Variants in GCN1 observed in about 807,000 individuals in gnomAD.
GCN1 encodes the protein stalled ribosome sensor GCN1.
GCN1 carries 90 observed loss-of-function variants against 288.4 expected under a neutral mutation model. The observed-to-expected ratio is 0.31, with a 90% CI of 0.26 to 0.37. GCN1 has a LOEUF of 0.37. Among genes scored for constraint, GCN1 ranks in the 10% least tolerant of loss-of-function variants. The pLI, the probability that GCN1 is intolerant of heterozygous loss-of-function variation, is 1.00. For missense variants in GCN1, 2,586 were observed against 3,419.9 expected (o/e 0.76, Z 6.08); for synonymous variants, 1,386 against 1,420.2 (o/e 0.98, Z 0.54).
At chr12:120,136,771 A>C in intron 50 of GCN1, 39 bp from the exon 51 acceptor site, 1 of 1,497,168 alleles carries the variant, frequency 6.7e-7, no homozygotes. Context: ...AATCTCAAAC[A>C]CCCTGGGCCC....
chr12:120,187,450 A>T (rs900241064), intron 2 of GCN1, among the ~76,000 whole-genome samples: 1 of 152,112 alleles, frequency 6.6e-6, no homozygotes, highest in African/African-American at 2.4e-5. Flanking sequence ...TCCTGACCTC[A>T]GGTGATCCAT....
chr12:120,159,186 A>C (rs1169020863), intron 24 of GCN1, among the ~76,000 whole-genome samples: 1 of 152,174 alleles, frequency 6.6e-6, no homozygotes, highest in Non-Finnish European at 1.5e-5. Context: ...AGCCAAGAGT[A>C]CAGCTCTATC....
intron 1 of GCN1, among the ~76,000 whole-genome samples, chr12:120,192,534 T>C (rs1879036846): frequency 6.7e-6 from 1 of 149,926 alleles, no homozygotes; most frequent in African/African-American, 2.5e-5. Context: ...GAGACCATCC[T>C]GGCCAACATG....
At chr12:120,170,386 G>C (rs1352167548) in intron 14 of GCN1, 65 bp from the exon 15 acceptor site, 1 of 1,435,856 alleles carries the variant, frequency 7.0e-7, no homozygotes, top group African/African-American at 1.4e-5. Context: ...GACTGAGAAA[G>C]GATTTATCTA....
rs57409242 is a variant in GCN1, at chr12:120,187,888, A to G, written c.121+2410T>C. 8.5e-3 allele frequency among the ~76,000 whole-genome samples: 889 copies of G among 105,172 alleles called. 7 individuals are homozygous for G. Among genetic ancestry groups the G allele is most frequent in the African/African-American group, 0.032 (851 of 26,790 alleles). The allele number at this position is 105,172 out of a possible 152,430, so 69.0% of individuals were successfully genotyped here. On this transcript the variant is annotated intron_variant, in intron 2 of 57. Coordinates refer to ENST00000300648, the MANE Select transcript of GCN1 (RefSeq NM_006836.2). ...AAAAACAAACATACCAAAAGAAATGAAAAAAAAAAAAAACAAAAAACTAGA... is the reference window on the plus strand; with the variant it reads ...AAAAACAAACATACCAAAAGAAATGGAAAAAAAAAAAAACAAAAAACTAGA...
rs1342844463 is a variant in GCN1, at chr12:120,184,808, TTTGGCTG to T, written c.185+9_185+15del. On this transcript the variant is annotated intron_variant, in intron 3 of 57. Transcript: ENST00000300648. ...TACAAAGTGCTCCACATATGGGGCC[TTTGGCTG>T]GGACTCACCTATATCGATGCAGAGT... 1 of 1,589,800 alleles carries T rather than the reference TTTGGCTG, an allele frequency of 6.3e-7. No homozygotes were observed. Among genetic ancestry groups the T allele is most frequent in the African/African-American group, 1.3e-5 (1 of 74,508 alleles).
At chr12:120,151,501 A>C (rs1222535096) in intron 33 of GCN1, 110 bp from the exon 34 acceptor site, 2 of 1,155,258 alleles carry the variant, frequency 1.7e-6, no homozygotes, top group Non-Finnish European at 2.4e-6. Context: ...CCCAAGCCCC[A>C]TCTCAGCCAC....
At chr12:120,159,803 C>T (rs1412321126) in intron 24 of GCN1, 22 bp downstream of exon 24, 34 of 1,609,598 alleles carry the variant, frequency 2.1e-5, no homozygotes, top group Non-Finnish European at 2.8e-5. Context: ...GCCATCCCTG[C>T]AGCCAGCAAA....
At chr12:120,175,321 G>C in intron 11 of GCN1, 109 bp from the exon 12 acceptor site, 1 of 1,034,524 alleles carries the variant, frequency 9.7e-7, no homozygotes, top group Non-Finnish European at 1.5e-6. Context: ...GATTCCAGAA[G>C]TAGCCTTTGT....
At chr12:120,141,458 C>G (rs376150055) in intron 44 of GCN1, among the ~76,000 whole-genome samples, 2 of 152,184 alleles carry the variant, frequency 1.3e-5, no homozygotes, top group Admixed American at 1.3e-4. Context: ...ATTTGCTTGC[C>G]AAGGATGGGG....
At chr12:120,162,229 C>T in intron 20 of GCN1, 171 bp from the exon 21 acceptor site, 1 of 606,574 alleles carries the variant, frequency 1.6e-6, no homozygotes, top group South Asian at 2.0e-5. Context: ...GCTTTCCTCA[C>T]CAAGCAGTGC....
intron 14 of GCN1, among the ~76,000 whole-genome samples, chr12:120,172,572 T>TG (rs1029987269): frequency 6.6e-6 from 1 of 151,896 alleles, no homozygotes; most frequent in African/African-American, 2.4e-5. Flanking sequence ...TGCAATGGCT[T>TG]GATCTCGGCT....
At chr12:120,147,607 C>G (rs1454346375) in intron 37 of GCN1, among the ~76,000 whole-genome samples, 1 of 152,236 alleles carries the variant, frequency 6.6e-6, no homozygotes, top group Non-Finnish European at 1.5e-5. Context: ...AAATCTCCCA[C>G]TATGATATAA....
intron 26 of GCN1, 95 bp from the exon 27 acceptor site, chr12:120,157,087 C>T: frequency 1.3e-6 from 1 of 755,520 alleles, no homozygotes; most frequent in Non-Finnish European, 2.3e-6. Flanking sequence ...CACGGGGGAA[C>T]ATTCTGGATC....
At position 120,163,321 on chromosome 12, in the gene GCN1, C is replaced by A; in HGVS notation, c.1849-62G>T. The A allele has an allele frequency of 3.0e-6, 4 of 1,349,988 alleles. No homozygotes were observed. The South Asian group carries it at 3.6e-5, about 12-fold the overall frequency. The allele number at this position is 1,349,988 out of a possible 1,614,324, so 83.6% of individuals were successfully genotyped here. On this transcript the variant is annotated intron_variant, in intron 18 of 57. Transcript: ENST00000300648. ...CCTGTGCAGGCTTGGAACACAGGAACCAAATATGCTACGGACACAGCGGCC... is the reference window on the plus strand; with the variant it reads ...CCTGTGCAGGCTTGGAACACAGGAAACAAATATGCTACGGACACAGCGGCC...
rs1003867250 is a variant in GCN1 at position 120,158,652 on chromosome 12, C to A, written c.2750-37G>T. On this transcript the variant is annotated intron_variant, in intron 24 of 57. Coordinates refer to ENST00000300648, the MANE Select transcript of GCN1 (RefSeq NM_006836.2). The surrounding 1 kb of genome is among the most constrained non-coding windows in gnomAD (Gnocchi z 4.3). Reference sequence around the variant, plus strand: ...AGGAGAGACCCAGCAGGAGATGACACACAGAGATGTGGAATCCAGCCCAGG... The same window carrying A: ...AGGAGAGACCCAGCAGGAGATGACAAACAGAGATGTGGAATCCAGCCCAGG... The A allele has an allele frequency of 1.3e-6, 2 of 1,555,656 alleles. No individual in the cohort carries two copies. The highest frequency in any genetic ancestry group is 1.9e-5 in the Admixed American group (1 of 53,646).
At chr12:120,162,198 G>A (rs2240322) in intron 20 of GCN1, 140 bp from the exon 21 acceptor site, 128,695 of 681,434 alleles carry the variant, frequency 0.19, 15,681 homozygotes, top group East Asian at 0.54. Flanking sequence ...CCATCACAGT[G>A]GCCGGCTGGA....
In GCN1 at chr12:120,142,402, AG is replaced by A; in HGVS notation, c.5829+104del. ...GTAAAGAACACAATGTCCCTCTGTT[AG>A]GCAGGGTGGATGGGTACTTTCCCAG... On this transcript the variant is annotated intron_variant, in intron 44 of 57. Coordinates refer to ENST00000300648, the MANE Select transcript of GCN1 (RefSeq NM_006836.2). The surrounding 1 kb of genome is among the most constrained non-coding windows in gnomAD (Gnocchi z 4.9). 1.3e-6 allele frequency: 1 copy of A among 744,944 alleles called. No homozygotes were observed. Among genetic ancestry groups the A allele is most frequent in the Non-Finnish European group, 2.4e-6 (1 of 414,178 alleles). 46.1% of individuals were successfully genotyped at this position (744,944 alleles called of 1,614,324 possible). A position where few individuals can be genotyped will look rare whatever the true frequency, so the allele number is the denominator to read the frequency against.
In GCN1 at chr12:120,137,782, G is replaced by A. The variant is rs760628938; in HGVS notation, c.6426C>T (p.Ser2142=). 4.5e-5 allele frequency: 73 copies of A among 1,613,904 alleles called. No homozygotes were observed. Among genetic ancestry groups the A allele is most frequent in the African/African-American group, 1.3e-4 (10 of 74,908 alleles). Residue 2142 remains serine, a synonymous_variant, in exon 49 of 58, where the codon TCC becomes TCT. Coordinates refer to ENST00000300648, the MANE Select transcript of GCN1 (RefSeq NM_006836.2). The surrounding 1 kb of genome is among the most constrained non-coding windows in gnomAD (Gnocchi z 5.2). ...TCCGGTGCCCTGTGTCATCCTCTAC[G>A]GAGAGGATCACAGCCTGACAATTGG... ...EMANCQAVIL[S]VEDDTGHRII...
Sources: gnomAD v4.1 joint callset for allele counts (sites outside exome capture counted in the v4.1 genomes callset) on GRCh38, gnomAD v4.1.1 for gene constraint, Gnocchi (gnomAD v3.1) non-coding constraint, MANE v1.5 for transcripts, NCBI Gene and HGNC (gene_info 2026-07-23, HGNC 2026-07-21) for gene names.